The following CC2D2B variants were observed in gnomAD, a reference collection of about 807,000 sequenced individuals.
CC2D2B encodes protein CC2D2B.
In CC2D2B, 128 loss-of-function variants were observed where a neutral mutation model predicts 161.2. The observed-to-expected ratio is 0.79, with a 90% CI of 0.69 to 0.92. The LOEUF is 0.92. Among genes scored for constraint, CC2D2B ranks in the 40% least tolerant of loss-of-function variants. The pLI is 0.00. For synonymous variants in CC2D2B, 391 were observed against 449.8 expected (o/e 0.87, Z 1.65); for missense variants, 1,173 against 1,375.1 (o/e 0.85, Z 2.32).
intron 9 of CC2D2B, among the ~76,000 whole-genome samples, chr10:95,947,998 C>T (rs2076280986): frequency 6.6e-6 from 1 of 152,000 alleles, no homozygotes; most frequent in Admixed American, 6.6e-5. Flanking sequence ...TAACTCTGGC[C>T]CACGGTTCTA....
chr10:95,935,134 G>A (rs1308682377), intron 6 of CC2D2B, among the ~76,000 whole-genome samples: 1 of 152,174 alleles, frequency 6.6e-6, no homozygotes, highest in Non-Finnish European at 1.5e-5. Context: ...GCCTTCCAAA[G>A]TGTTGGGATT....
intron 34 of CC2D2B, among the ~76,000 whole-genome samples, chr10:96,029,292 A>ATATATATATATGTATATC: frequency 9.7e-6 from 1 of 103,542 alleles, no homozygotes; most frequent in Non-Finnish European, 1.9e-5. Flanking sequence ...ATATGTATAT[A>ATATATATATATGTATATC]TATATATATA....
chr10:95,942,308 G>A (rs931395564), intron 9 of CC2D2B, among the ~76,000 whole-genome samples: 12 of 151,892 alleles, frequency 7.9e-5, no homozygotes, highest in African/African-American at 2.9e-4. Context: ...CTCATGTTTT[G>A]TATTTTTTAC....
At chr10:95,981,948 G>A in intron 17 of CC2D2B, 27 bp from the exon 18 acceptor site, 1 of 1,168,792 alleles carries the variant, frequency 8.6e-7, no homozygotes, top group Non-Finnish European at 1.1e-6. Flanking sequence ...TTGTATGCAA[G>A]TTCACAAAAT....
intron 6 of CC2D2B, among the ~76,000 whole-genome samples, chr10:95,933,735 C>G (rs1296903429): frequency 6.6e-6 from 1 of 152,166 alleles, no homozygotes; most frequent in African/African-American, 2.4e-5. Context: ...AAGATTGCTG[C>G]CTCTTCCTTC....
intron 20 of CC2D2B, among the ~76,000 whole-genome samples, chr10:95,991,011 G>A (rs1168997428): frequency 6.6e-6 from 1 of 152,204 alleles, no homozygotes; most frequent in African/African-American, 2.4e-5. Context: ...CATTACTAGT[G>A]GCTATTGTAG....
intron 25 of CC2D2B, among the ~76,000 whole-genome samples, chr10:96,005,518 A>G (rs1289980396): frequency 6.6e-6 from 1 of 152,144 alleles, no homozygotes; most frequent in Admixed American, 6.5e-5. Context: ...AATTGAAAGA[A>G]GGTTTTAAGT....
chr10:96,003,371 T>C (rs988077248), intron 24 of CC2D2B, among the ~76,000 whole-genome samples: 2 of 151,924 alleles, frequency 1.3e-5, no homozygotes, highest in Non-Finnish European at 2.9e-5. Context: ...TATCCCAGTT[T>C]CTGCTTGGAG....
intron 34 of CC2D2B, among the ~76,000 whole-genome samples, chr10:96,030,602 G>T (rs2080024938): frequency 6.6e-6 from 1 of 152,056 alleles, no homozygotes; most frequent in Non-Finnish European, 1.5e-5. Flanking sequence ...TTATTTTAAA[G>T]CTTATAAACA....
chr10:95,917,862 C>T (rs2098519508), intron 2 of CC2D2B, among the ~76,000 whole-genome samples: 1 of 152,124 alleles, frequency 6.6e-6, no homozygotes, highest in South Asian at 2.1e-4. Context: ...ACTGCAGCCT[C>T]CACCTCTGGA....
At chr10:96,014,206 T>C (rs2079100982) in intron 29 of CC2D2B, among the ~76,000 whole-genome samples, 1 of 152,178 alleles carries the variant, frequency 6.6e-6, no homozygotes, top group Non-Finnish European at 1.5e-5. Context: ...GCACTGTCAC[T>C]TCCCAAAAGC....
At chr10:96,008,685 C>T (rs2078860854) in intron 25 of CC2D2B, among the ~76,000 whole-genome samples, 1 of 151,960 alleles carries the variant, frequency 6.6e-6, no homozygotes, top group African/African-American at 2.4e-5. Context: ...ATTTATTTGC[C>T]ATTTATATAT....
At chr10:95,943,705 A>G (rs2076098921) in intron 9 of CC2D2B, among the ~76,000 whole-genome samples, 1 of 152,110 alleles carries the variant, frequency 6.6e-6, no homozygotes, top group Non-Finnish European at 1.5e-5. Flanking sequence ...TGGTAACTAC[A>G]ATATTTGGAT....
intron 29 of CC2D2B, among the ~76,000 whole-genome samples, chr10:96,015,231 A>ATTTT (rs58739011): frequency 0.066 from 7,295 of 111,156 alleles, 584 homozygotes; most frequent in East Asian, 0.28. Context: ...GGCCCAGCTA[A>ATTTT]TTTTTTTTTT....
At chr10:95,972,589 C>T (rs1301229367) in intron 16 of CC2D2B, among the ~76,000 whole-genome samples, 2 of 152,214 alleles carry the variant, frequency 1.3e-5, no homozygotes, top group African/African-American at 2.4e-5. Context: ...GCTGGGATTA[C>T]AGGCGTGAGC....
rs550077039 is a variant in CC2D2B at position 95,999,984 on chromosome 10, T to G, written c.2849+3732T>G. 61 of 896,160 alleles carry G rather than the reference T, an allele frequency of 6.8e-5. No individual in the cohort carries two copies. In the East Asian group the frequency reaches 2.1e-3, roughly 30 times the overall value. 55.5% of individuals were successfully genotyped at this position (896,160 alleles called of 1,614,324 possible). Reference sequence around the variant, plus strand: ...GCACTTATGTGCTCAATACACACATTAATTCTCTTGGCAAGAATCTTGCCC... The same window carrying G: ...GCACTTATGTGCTCAATACACACATGAATTCTCTTGGCAAGAATCTTGCCC... On this transcript the variant is annotated intron_variant, in intron 24 of 34. Transcript: ENST00000646931.
intron 30 of CC2D2B, among the ~76,000 whole-genome samples, chr10:96,017,765 T>TATAAATAA (rs35257012): frequency 7.7e-4 from 115 of 149,338 alleles, no homozygotes; most frequent in African/African-American, 2.0e-3. Flanking sequence ...ACCCCACCTC[T>TATAAATAA]ATAAATAAAT....
intron 24 of CC2D2B, among the ~76,000 whole-genome samples, chr10:95,996,956 G>A (rs902165640): frequency 6.6e-6 from 1 of 152,096 alleles, no homozygotes; most frequent in Admixed American, 6.6e-5. Flanking sequence ...CTACTCTTCC[G>A]CCATGTGAGG....
chr10:95,924,453 C>T, intron 4 of CC2D2B, 63 bp downstream of exon 4: 1 of 921,832 alleles, frequency 1.1e-6, no homozygotes, highest in Non-Finnish European at 1.6e-6. Context: ...TTAACACAAT[C>T]AAGTTTTCTT....
Sources: gnomAD v4.1 joint callset for allele counts (sites outside exome capture counted in the v4.1 genomes callset) on GRCh38, gnomAD v4.1.1 for gene constraint, MANE v1.5 for transcripts, NCBI Gene and HGNC (gene_info 2026-07-23, HGNC 2026-07-21) for gene names.